The following ITSN1 variants were observed in gnomAD, a reference collection of about 807,000 sequenced individuals.
The protein encoded by ITSN1 is intersectin 1.
ITSN1 carries 58 observed loss-of-function variants against 239.8 expected under a neutral mutation model. The ratio of observed to expected loss-of-function variants is 0.24; its 90% CI spans 0.20 to 0.30. The LOEUF (loss-of-function observed/expected upper bound fraction) is 0.30. Among genes scored for constraint, ITSN1 ranks in the 10% least tolerant of loss-of-function variants. The pLI is 1.00. For synonymous variants in ITSN1, 780 were observed against 770.8 expected, an observed-to-expected ratio of 1.01 and a Z score of -0.20; for missense variants, 1,558 against 2,103.3, an observed-to-expected ratio of 0.74 and a Z score of 5.07.
intron 1 of ITSN1, among the ~76,000 whole-genome samples, chr21:33,642,974 T>G (rs2087542620): frequency 6.8e-6 from 1 of 148,022 alleles, no homozygotes. Flanking sequence ...CGGTGGGCCG[T>G]GGGGTGGCGG....
chr21:33,765,421 C>T (rs190287447), intron 9 of ITSN1, among the ~76,000 whole-genome samples: 47 of 152,210 alleles, frequency 3.1e-4, no homozygotes, highest in Admixed American at 2.2e-3. Flanking sequence ...CATTTAAGCC[C>T]GGAAAGGCTG....
chr21:33,746,817 G>T (rs191244365), intron 5 of ITSN1, among the ~76,000 whole-genome samples: 1 of 152,120 alleles, frequency 6.6e-6, no homozygotes, highest in Admixed American at 6.5e-5. Flanking sequence ...ACTCCAGCCT[G>T]GGAAACAAGA....
intron 33 of ITSN1, among the ~76,000 whole-genome samples, chr21:33,868,063 G>A (rs1036583580): frequency 6.6e-6 from 1 of 152,200 alleles, no homozygotes; most frequent in East Asian, 1.9e-4. Context: ...TGTGGAAAGG[G>A]ACCGAGCCGG....
At chr21:33,663,940 A>T (rs932174567) in intron 1 of ITSN1, among the ~76,000 whole-genome samples, 2 of 152,094 alleles carry the variant, frequency 1.3e-5, no homozygotes, top group African/African-American at 4.8e-5. Flanking sequence ...TATTTAAAAG[A>T]TTTTGTAGAC....
At chr21:33,762,716 G>GGAGT (rs59608730) in intron 9 of ITSN1, among the ~76,000 whole-genome samples, 5,622 of 149,622 alleles carry the variant, frequency 0.038, 354 homozygotes, top group African/African-American at 0.13. Flanking sequence ...TCATCCAGAT[G>GGAGT]GCAGTGGTGC....
intron 1 of ITSN1, among the ~76,000 whole-genome samples, chr21:33,702,276 C>G (rs965517999): frequency 6.6e-6 from 1 of 151,824 alleles, no homozygotes; most frequent in Non-Finnish European, 1.5e-5. Flanking sequence ...ACCACCACAC[C>G]CAGCTAATTT....
chr21:33,762,078 TG>T (rs2068374472), intron 9 of ITSN1, 92 bp downstream of exon 9: 1 of 869,770 alleles, frequency 1.1e-6, no homozygotes, highest in Non-Finnish European at 2.0e-6. Flanking sequence ...CCGTTTTTTA[TG>T]GGGGAATATG....
At chr21:33,678,778 A>G (rs1261718522) in intron 1 of ITSN1, among the ~76,000 whole-genome samples, 2 of 152,166 alleles carry the variant, frequency 1.3e-5, no homozygotes, top group Non-Finnish European at 2.9e-5. Flanking sequence ...TAGTGGCGCA[A>G]TCATGGCTCA....
At chr21:33,697,678 C>T (rs1372485433) in intron 1 of ITSN1, among the ~76,000 whole-genome samples, 1 of 152,148 alleles carries the variant, frequency 6.6e-6, no homozygotes, top group Non-Finnish European at 1.5e-5. Context: ...TTATCTCAAT[C>T]AGTGGTTCTT....
chr21:33,787,493 G>A (rs921914087), intron 16 of ITSN1, among the ~76,000 whole-genome samples: 4 of 152,146 alleles, frequency 2.6e-5, no homozygotes, highest in Non-Finnish European at 4.4e-5. Context: ...TCTTAGAACC[G>A]AATCGATGTT....
intron 4 of ITSN1, among the ~76,000 whole-genome samples, chr21:33,734,355 A>G (rs2147250105): frequency 1.3e-5 from 2 of 152,294 alleles, no homozygotes; most frequent in East Asian, 3.9e-4. Context: ...TTGCACTTGG[A>G]CCGTGTATAT....
At chr21:33,856,207 G>A (rs1979296160) in intron 29 of ITSN1, among the ~76,000 whole-genome samples, 1 of 152,196 alleles carries the variant, frequency 6.6e-6, no homozygotes, top group Non-Finnish European at 1.5e-5. Context: ...TGAGTGTTTT[G>A]TTTTCACATT....
At chr21:33,645,590 C>T (rs2087864848) in intron 1 of ITSN1, among the ~76,000 whole-genome samples, 1 of 152,130 alleles carries the variant, frequency 6.6e-6, no homozygotes, top group Non-Finnish European at 1.5e-5. Flanking sequence ...ATGGAGGCTG[C>T]AGTGAGCCAT....
chr21:33,793,025 C>T (rs761739663), intron 16 of ITSN1, among the ~76,000 whole-genome samples: 23 of 152,000 alleles, frequency 1.5e-4, no homozygotes, highest in Admixed American at 7.9e-4. Context: ...TCTTTTATCT[C>T]ATTGTTCTTT....
Position 33,811,064 on chromosome 21 carries a change from A to G in ITSN1, c.2409A>G (p.Lys803=), listed in dbSNP as rs2072874297. 3.7e-6 allele frequency: 6 copies of G among 1,614,254 alleles called. No individual in the cohort carries two copies. The highest frequency in any genetic ancestry group is 4.2e-6 in the Non-Finnish European group (5 of 1,180,044). ...TGWFPANYAE[K]IPENEVPAPV... is the part of the protein sequence containing the mutation. Reference sequence around the variant, plus strand: ...GGTTCCCTGCAAACTATGCAGAGAAAATCCCAGAAAATGAGGTTCCCGCTC... The same window carrying G: ...GGTTCCCTGCAAACTATGCAGAGAAGATCCCAGAAAATGAGGTTCCCGCTC... The change falls in exon 21 of 40, where the codon AAA becomes AAG. Residue 803 remains lysine (K), a synonymous_variant. Coordinates refer to ENST00000381318, the MANE Select transcript of ITSN1 (RefSeq NM_003024.3).
intron 9 of ITSN1, 48 bp from the exon 10 acceptor site, chr21:33,765,824 AAAG>A: frequency 1.3e-6 from 2 of 1,599,618 alleles, no homozygotes; most frequent in Non-Finnish European, 1.7e-6. Flanking sequence ...TGAATAGTAA[AAAG>A]CATGAATTTT....
intron 20 of ITSN1, among the ~76,000 whole-genome samples, chr21:33,805,791 C>A (rs993604473): frequency 6.6e-6 from 1 of 151,566 alleles, no homozygotes; most frequent in Non-Finnish European, 1.5e-5. Flanking sequence ...CCTGCCTCAG[C>A]CTCCCGAGTA....
intron 33 of ITSN1, among the ~76,000 whole-genome samples, chr21:33,871,130 C>CAAAAAAACA (rs1569325425): frequency 1.5e-5 from 2 of 132,950 alleles, no homozygotes; most frequent in African/African-American, 2.8e-5. Flanking sequence ...GACTCTGTCT[C>CAAAAAAACA]AAAAAAAAAA....
At chr21:33,795,845 A>C (rs1261866844) in intron 17 of ITSN1, among the ~76,000 whole-genome samples, 1 of 152,162 alleles carries the variant, frequency 6.6e-6, no homozygotes, top group Non-Finnish European at 1.5e-5. Context: ...ATAATATGGA[A>C]TATGTATTCC....
Sources: gnomAD v4.1 joint callset for allele counts (sites outside exome capture counted in the v4.1 genomes callset) on GRCh38, gnomAD v4.1.1 for gene constraint, MANE v1.5 for transcripts, NCBI Gene and HGNC (gene_info 2026-07-23, HGNC 2026-07-21) for gene names.